Variants in ZC4H2 observed in about 807,000 individuals in gnomAD.
The protein encoded by ZC4H2 is zinc finger C4H2-type containing.
For missense variants in ZC4H2, 137 were observed against 173.9 expected (o/e 0.79, Z 1.19); for synonymous variants, 84 against 66.3 (o/e 1.27, Z -1.30).
At chrX:64,953,813 AC>A (rs1224546374) in intron 1 of ZC4H2, among the ~76,000 whole-genome samples, 1 of 111,626 alleles carries the variant, frequency 9.0e-6, no homozygotes, top group Admixed American at 9.5e-5. Context: ...CCATCCCCTT[AC>A]TGGGTATATA....
chrX:64,917,102 A>C lies in ZC4H2; in HGVS notation c.*681T>G, dbSNP rs1357207221. The C allele has an allele frequency of 8.9e-6, 1 of 112,022 alleles. No homozygotes were observed. Among genetic ancestry groups the C allele is most frequent in the Non-Finnish European group, 1.9e-5 (1 of 53,192 alleles). 9.2% of individuals were successfully genotyped at this position (112,022 alleles called of 1,213,427 possible). ...GTGGAAATCTTCTACTAGAATTTGC[A>C]AAGACTAGATATTGGGGAAAGGTTC... is the stretch of plus-strand genomic sequence containing the variant. On this transcript the variant is annotated 3_prime_UTR_variant, in exon 5 of 5. Coordinates refer to ENST00000374839, the MANE Select transcript of ZC4H2 (RefSeq NM_018684.4).
chrX:65,021,765 A>G (rs1333625686), intron 1 of ZC4H2, among the ~76,000 whole-genome samples: 2 of 111,303 alleles, frequency 1.8e-5, no homozygotes, highest in Non-Finnish European at 3.8e-5. Flanking sequence ...TTAACAAAAT[A>G]GATAGACCAC....
upstream of ZC4H2, among the ~76,000 whole-genome samples, chrX:64,977,321 T>G (rs1931980171): frequency 9.1e-6 from 1 of 110,368 alleles, no homozygotes; most frequent in Admixed American, 9.6e-5. Flanking sequence ...GGATGAGTGG[T>G]TCAGAGTGCC....
At chrX:64,976,275 C>G (rs776330738) in intron 1 of ZC4H2, 50 bp downstream of exon 1, 1 of 1,178,745 alleles carries the variant, frequency 8.5e-7, no homozygotes, top group Non-Finnish European at 1.2e-6. Flanking sequence ...AGCCCTCTCC[C>G]GCAACGAAGG....
At chrX:64,934,935 G>T (rs1273490095) in intron 1 of ZC4H2, among the ~76,000 whole-genome samples, 2 of 103,883 alleles carry the variant, frequency 1.9e-5, no homozygotes, top group Non-Finnish European at 2.0e-5. Flanking sequence ...TAGCTGCAGG[G>T]TTTTTTTTTT....
chrX:65,010,389 C>T (rs1932738472), intron 1 of ZC4H2, among the ~76,000 whole-genome samples: 1 of 112,541 alleles, frequency 8.9e-6, no homozygotes, highest in Admixed American at 9.4e-5. Context: ...GAAAACTTAG[C>T]CTAGTAAAGT....
At chrX:64,924,949 T>C (rs1929365583) in intron 1 of ZC4H2, among the ~76,000 whole-genome samples, 1 of 111,227 alleles carries the variant, frequency 9.0e-6, no homozygotes, top group South Asian at 3.8e-4. Context: ...CGTTATCTGA[T>C]CATCTCACTT....
At chrX:64,944,859 T>A (rs1331064864) in intron 1 of ZC4H2, among the ~76,000 whole-genome samples, 1 of 112,596 alleles carries the variant, frequency 8.9e-6, no homozygotes, top group Non-Finnish European at 1.9e-5. Flanking sequence ...TTTCTTCTGC[T>A]TCATTGATTT....
chrX:64,991,789 G>C (rs1569225679), intron 1 of ZC4H2, among the ~76,000 whole-genome samples: 2 of 112,098 alleles, frequency 1.8e-5, no homozygotes, highest in Non-Finnish European at 3.8e-5. Flanking sequence ...CCCATCAATT[G>C]ATGAGTGGAT....
At chrX:64,935,701 C>A (rs1302074840) in intron 1 of ZC4H2, among the ~76,000 whole-genome samples, 1 of 111,996 alleles carries the variant, frequency 8.9e-6, no homozygotes, top group Non-Finnish European at 1.9e-5. Context: ...AGTGGACCTC[C>A]AGCAAATTCC....
At chrX:64,937,114 T>C (rs1379891727) in intron 1 of ZC4H2, among the ~76,000 whole-genome samples, 1 of 106,113 alleles carries the variant, frequency 9.4e-6, no homozygotes, top group African/African-American at 3.4e-5. Flanking sequence ...AAAGCTGGGG[T>C]TGCAATCCTA....
intron 1 of ZC4H2, among the ~76,000 whole-genome samples, chrX:64,934,312 G>A (rs1269894058): frequency 8.9e-6 from 1 of 111,928 alleles, no homozygotes; most frequent in Non-Finnish European, 1.9e-5. Flanking sequence ...TTCAATTTTT[G>A]GAAACTGTTA....
At chrX:64,927,867 C>G (rs1929500662) in intron 1 of ZC4H2, among the ~76,000 whole-genome samples, 1 of 112,578 alleles carries the variant, frequency 8.9e-6, no homozygotes, top group Non-Finnish European at 1.9e-5. Context: ...ATTTGGATTT[C>G]TCTAATGACC....
intron 1 of ZC4H2, among the ~76,000 whole-genome samples, chrX:64,952,611 G>C (rs1930910894): frequency 9.0e-6 from 1 of 111,036 alleles, no homozygotes; most frequent in Non-Finnish European, 1.9e-5. Flanking sequence ...CAACTTACAA[G>C]AGATGTGAAG....
rs1932776237 is a variant in ZC4H2 at position 65,013,322 on chromosome X, T to TC, written c.-272+21306dup. Among the ~76,000 whole-genome samples the TC allele has an allele frequency of 2.7e-5, 3 of 111,363 alleles. No homozygotes were observed. In the South Asian group the frequency reaches 1.1e-3, roughly 43 times the overall value. ...GTAATAGGTAAATTTCTAAAGTGGC[T>TC]CCAGTGATCCCTGCCTTCTAGTATC... On this transcript the variant is annotated intron_variant, in intron 1 of 4. Transcript: ENST00000337990.
chrX:65,010,559 G>A (rs1321166423), intron 1 of ZC4H2, among the ~76,000 whole-genome samples: 1 of 111,523 alleles, frequency 9.0e-6, no homozygotes, highest in African/African-American at 3.3e-5. Flanking sequence ...CCATAGTAGG[G>A]GAAGGGTGGG....
At chrX:64,999,039 GTTTTTTTTTTTT>G (rs58094683) in intron 1 of ZC4H2, among the ~76,000 whole-genome samples, 45 of 11,853 alleles carry the variant, frequency 3.8e-3, no homozygotes, top group African/African-American at 0.012. Context: ...TGGATTATGT[GTTTTTTTTTTTT>G]TTTTTTTTTT....
At chrX:64,935,537 T>G (rs1253523961) in intron 1 of ZC4H2, among the ~76,000 whole-genome samples, 1 of 111,959 alleles carries the variant, frequency 8.9e-6, no homozygotes, top group Non-Finnish European at 1.9e-5. Flanking sequence ...GGGAGATACC[T>G]CTCAGTAGGG....
intron 1 of ZC4H2, among the ~76,000 whole-genome samples, chrX:64,996,191 TTTTG>T (rs1392387643): frequency 1.8e-5 from 2 of 111,920 alleles, no homozygotes; most frequent in East Asian, 5.6e-4. Flanking sequence ...TAGGTGAATT[TTTTG>T]TTTGTTTGTT....
Sources: gnomAD v4.1 joint callset for allele counts (sites outside exome capture counted in the v4.1 genomes callset) on GRCh38, gnomAD v4.1.1 for gene constraint, MANE v1.5 for transcripts, NCBI Gene and HGNC (gene_info 2026-07-23, HGNC 2026-07-21) for gene names.